The following NLGN1 variants were observed in gnomAD, a reference collection of about 807,000 sequenced individuals.
NLGN1 encodes the protein neuroligin 1, also known as neuroligin-1.
A neutral mutation model predicts 65.5 loss-of-function variants in NLGN1; 12 were observed. The observed-to-expected ratio is 0.18, with a 90% CI of 0.12 to 0.30. NLGN1 has a LOEUF of 0.30. Among genes scored for constraint, NLGN1 ranks in the 10% least tolerant of loss-of-function variants. The pLI, the probability that NLGN1 is intolerant of heterozygous loss-of-function variation, is 1.00. For missense variants in NLGN1, 750 were observed against 1,007.1 expected (o/e 0.74, Z 3.46); for synonymous variants, 350 against 359.5 (o/e 0.97, Z 0.30).
intron 3 of NLGN1, among the ~76,000 whole-genome samples, chr3:173,667,755 G>A (rs370657793): frequency 5.9e-5 from 9 of 151,904 alleles, no homozygotes; most frequent in African/African-American, 1.9e-4. Flanking sequence ...TCAGCCTCCC[G>A]ATTAGCTGGG....
At chr3:173,419,804 A>G (rs1029411126) in intron 1 of NLGN1, among the ~76,000 whole-genome samples, 2 of 151,964 alleles carry the variant, frequency 1.3e-5, no homozygotes, top group Non-Finnish European at 2.9e-5. Flanking sequence ...CCCCATCTCT[A>G]TCTGGTAAAA....
At chr3:173,725,083 C>T (rs1172658750) in intron 3 of NLGN1, among the ~76,000 whole-genome samples, 1 of 151,906 alleles carries the variant, frequency 6.6e-6, no homozygotes, top group East Asian at 1.9e-4. Flanking sequence ...ATGTAAATGA[C>T]CAGTTAATGG....
chr3:173,660,261 A>G (rs963505860), intron 3 of NLGN1, among the ~76,000 whole-genome samples: 1 of 151,930 alleles, frequency 6.6e-6, no homozygotes, highest in African/African-American at 2.4e-5. Flanking sequence ...GTCAATTGAC[A>G]TCCAAGGAAC....
intron 4 of NLGN1, among the ~76,000 whole-genome samples, chr3:174,165,316 G>T (rs73048209): frequency 0.015 from 2,296 of 152,112 alleles, 58 homozygotes; most frequent in African/African-American, 0.053. Flanking sequence ...TGCCCATTCA[G>T]TATGATATTG....
At chr3:173,555,641 T>G (rs182944146) in intron 2 of NLGN1, among the ~76,000 whole-genome samples, 6 of 152,168 alleles carry the variant, frequency 3.9e-5, no homozygotes, top group Admixed American at 3.3e-4. Context: ...CCAGCTAATT[T>G]TTATAAATAT....
chr3:174,270,218 T>C (rs1194725432), intron 4 of NLGN1, among the ~76,000 whole-genome samples: 3 of 149,930 alleles, frequency 2.0e-5, no homozygotes, highest in Non-Finnish European at 3.0e-5. Context: ...TGGTTTAATA[T>C]CCAAGAAATC....
exon 7 of NLGN1, chr3:174,285,507 A>G (rs1752007024): frequency 6.6e-6 from 1 of 151,518 alleles, no homozygotes; most frequent in African/African-American, 2.4e-5. Flanking sequence ...GACTAAGGGA[A>G]TTTCTCCAGT....
chr3:173,593,018 G>T (rs964084892), intron 2 of NLGN1, among the ~76,000 whole-genome samples: 5 of 152,128 alleles, frequency 3.3e-5, no homozygotes, highest in Middle Eastern at 3.4e-3. Flanking sequence ...CTATACCTTG[G>T]TTTTCAATTG....
At chr3:173,973,962 C>G (rs1374770840) in intron 4 of NLGN1, among the ~76,000 whole-genome samples, 1 of 151,936 alleles carries the variant, frequency 6.6e-6, no homozygotes, top group African/African-American at 2.4e-5. Flanking sequence ...TGCTTTGATG[C>G]ATGGGCTAGC....
At chr3:174,210,113 T>C (rs866781214) in intron 4 of NLGN1, among the ~76,000 whole-genome samples, 16 of 152,182 alleles carry the variant, frequency 1.1e-4, no homozygotes, top group Non-Finnish European at 1.9e-4. Flanking sequence ...CCTTAACACG[T>C]AAGTATGAGT....
At chr3:173,427,405 T>A (rs1051733588) in intron 1 of NLGN1, among the ~76,000 whole-genome samples, 2 of 152,052 alleles carry the variant, frequency 1.3e-5, no homozygotes, top group African/African-American at 4.8e-5. Flanking sequence ...ATAGTTAGGT[T>A]GAGTTTTAGA....
rs375959106 is a variant in NLGN1, at chr3:174,079,192, GA to G, written c.647-196113del. Among the ~76,000 whole-genome samples the G allele has an allele frequency of 6.0e-3, 874 of 145,770 alleles. 12 individuals are homozygous for G. Among genetic ancestry groups the G allele is most frequent in the African/African-American group, 0.021 (827 of 39,760 alleles). On this transcript the variant is annotated intron_variant, in intron 4 of 6. Coordinates refer to ENST00000457714, the Ensembl canonical transcript of NLGN1. ...ACAAGACACTGAAAAAAATTTACAA[GA>G]AAAAAAAAACTTTCCCATTAAAAAG...
At chr3:173,804,347 G>C (rs747286066) in intron 3 of NLGN1, among the ~76,000 whole-genome samples, 8 of 151,560 alleles carry the variant, frequency 5.3e-5, no homozygotes, top group Non-Finnish European at 1.2e-4. Flanking sequence ...ATGCTGTTTA[G>C]GCAAAGTAAA....
At chr3:174,290,788 G>A (rs1236808206), downstream of NLGN1, among the ~76,000 whole-genome samples, 3 of 150,886 alleles carry the variant, frequency 2.0e-5, no homozygotes, top group African/African-American at 7.3e-5. Context: ...TTTTTTCCCT[G>A]TTGCTGATTC....
intron 1 of NLGN1, among the ~76,000 whole-genome samples, chr3:173,421,346 A>AT (rs1413755775): frequency 6.6e-6 from 1 of 151,846 alleles, no homozygotes; most frequent in African/African-American, 2.4e-5. Context: ...GTTAGTGTAC[A>AT]TTTTTTACAA....
At chr3:174,159,489 A>T (rs1179250879) in intron 4 of NLGN1, among the ~76,000 whole-genome samples, 1 of 151,814 alleles carries the variant, frequency 6.6e-6, no homozygotes, top group Non-Finnish European at 1.5e-5. Flanking sequence ...CTGATTATAC[A>T]GTCAGTAATG....
At chr3:174,075,906 TA>T (rs1740805025) in intron 4 of NLGN1, among the ~76,000 whole-genome samples, 1 of 152,168 alleles carries the variant, frequency 6.6e-6, no homozygotes, top group Admixed American at 6.5e-5. Context: ...AATTTGACAC[TA>T]AAAGTATACA....
intron 4 of NLGN1, among the ~76,000 whole-genome samples, chr3:174,083,288 T>G (rs1742606349): frequency 6.6e-6 from 1 of 152,122 alleles, no homozygotes; most frequent in African/African-American, 2.4e-5. Context: ...GTAGCTCCAT[T>G]CATTCATGTA....
intron 3 of NLGN1, among the ~76,000 whole-genome samples, chr3:173,620,590 G>T (rs1379539217): frequency 6.6e-6 from 1 of 152,064 alleles, no homozygotes; most frequent in Non-Finnish European, 1.5e-5. Flanking sequence ...AGAAGGGCAG[G>T]CTGGAATACT....
Sources: gnomAD v4.1 joint callset for allele counts (sites outside exome capture counted in the v4.1 genomes callset) on GRCh38, gnomAD v4.1.1 for gene constraint, MANE v1.5 for transcripts, NCBI Gene and HGNC (gene_info 2026-07-23, HGNC 2026-07-21) for gene names.